Variants in UNC13C observed in about 807,000 individuals in gnomAD.
UNC13C encodes unc-13 homolog C.
UNC13C carries 174 observed loss-of-function variants against 245.4 expected under a neutral mutation model. The ratio of observed to expected loss-of-function variants is 0.71; its 90% confidence interval spans 0.63 to 0.80. The LOEUF is 0.80. Among genes scored for constraint, UNC13C ranks in the 30% least tolerant of loss-of-function variants. UNC13C has a pLI of 0.00. For missense variants in UNC13C, 2,829 were observed against 2,602.9 expected (o/e 1.09, Z -1.89); for synonymous variants, 992 against 895.1 (o/e 1.11, Z -1.93).
chr15:54,093,194 A>G (rs1899662357), intron 2 of UNC13C, among the ~76,000 whole-genome samples: 1 of 14,566 alleles, frequency 6.9e-5, no homozygotes, highest in African/African-American at 1.1e-4. Flanking sequence ...GTAAATTACA[A>G]AAAAAAAAAA....
At chr15:54,525,412 C>CAAAAA in intron 24 of UNC13C, 137 bp from the exon 25 acceptor site, 1 of 394,066 alleles carries the variant, frequency 2.5e-6, no homozygotes. Flanking sequence ...TTTCAAAGAC[C>CAAAAA]AAAAAAAAAA....
At chr15:54,180,197 T>A (rs79407180) in intron 4 of UNC13C, among the ~76,000 whole-genome samples, 2,013 of 152,126 alleles carry the variant, frequency 0.013, 54 homozygotes, top group African/African-American at 0.045. Flanking sequence ...TATTGTTACA[T>A]CTTTATGTCC....
At chr15:54,535,825 T>G (rs889699024) in intron 26 of UNC13C, among the ~76,000 whole-genome samples, 1 of 152,104 alleles carries the variant, frequency 6.6e-6, no homozygotes, top group African/African-American at 2.4e-5. Flanking sequence ...TACCAGAATC[T>G]CTGGGACATA....
chr15:54,458,703 T>TTTTTTG (rs56086043), intron 19 of UNC13C, among the ~76,000 whole-genome samples: 1 of 145,048 alleles, frequency 6.9e-6, no homozygotes, highest in Non-Finnish European at 1.5e-5. Context: ...TTTTTTTTTT[T>TTTTTTG]AAGGGAATAG....
the UNC13C span, among the ~76,000 whole-genome samples, chr15:53,858,365 A>G: frequency 1.3e-5 from 2 of 151,276 alleles, no homozygotes; most frequent in Non-Finnish European, 2.9e-5. Flanking sequence ...AACAACTTAC[A>G]GTTGTGTATT....
At chr15:54,025,084 A>T (rs1896053998) in intron 2 of UNC13C, among the ~76,000 whole-genome samples, 1 of 152,220 alleles carries the variant, frequency 6.6e-6, no homozygotes, top group South Asian at 2.1e-4. Flanking sequence ...AATAAGAAGA[A>T]ATGATCCATA....
intron 8 of UNC13C, among the ~76,000 whole-genome samples, chr15:54,260,250 A>G (rs1413059605): frequency 6.6e-6 from 1 of 152,144 alleles, no homozygotes; most frequent in East Asian, 1.9e-4. Context: ...AGCTGTTAGA[A>G]ATATTTACAC....
At chr15:54,374,921 A>G (rs2039572746) in intron 17 of UNC13C, among the ~76,000 whole-genome samples, 1 of 152,268 alleles carries the variant, frequency 6.6e-6, no homozygotes, top group Non-Finnish European at 1.5e-5. Context: ...GATAGAGCTG[A>G]TCATTTATTT....
At chr15:54,548,177 T>C (rs972642159) in intron 27 of UNC13C, among the ~76,000 whole-genome samples, 5 of 151,468 alleles carry the variant, frequency 3.3e-5, no homozygotes, top group African/African-American at 4.8e-5. Context: ...TTTTGAACTC[T>C]TGTTTTGTTG....
At chr15:53,946,414 C>T in the UNC13C span, among the ~76,000 whole-genome samples, 125 of 150,466 alleles carry the variant, frequency 8.3e-4, no homozygotes, top group African/African-American at 3.0e-3. Flanking sequence ...GAGGCATATT[C>T]CTCCAATACC....
chr15:54,078,705 C>T (rs1898769827), intron 2 of UNC13C, among the ~76,000 whole-genome samples: 1 of 151,700 alleles, frequency 6.6e-6, no homozygotes, highest in South Asian at 2.1e-4. Flanking sequence ...TTAAGTTTCT[C>T]ATAAATTCTG....
chr15:54,443,292 A>G (rs1176379272), intron 19 of UNC13C, among the ~76,000 whole-genome samples: 3 of 151,628 alleles, frequency 2.0e-5, no homozygotes, highest in Non-Finnish European at 4.4e-5. Flanking sequence ...GTTTATTTGG[A>G]TCTTTTTCTT....
chr15:54,426,781 A>G (rs2040768598), intron 19 of UNC13C, among the ~76,000 whole-genome samples: 1 of 151,908 alleles, frequency 6.6e-6, no homozygotes, highest in South Asian at 2.1e-4. Context: ...AACACTGAGC[A>G]ATTGTTTTGT....
chr15:54,475,348 G>T (rs200547008), intron 19 of UNC13C, among the ~76,000 whole-genome samples: 6,973 of 150,260 alleles, frequency 0.046, 227 homozygotes, highest in East Asian at 0.1. Context: ...GGGTACATGT[G>T]CACAATGTGC....
chr15:54,027,790 T>C (rs1482500528), intron 2 of UNC13C, among the ~76,000 whole-genome samples: 1 of 151,856 alleles, frequency 6.6e-6, no homozygotes, highest in African/African-American at 2.4e-5. Flanking sequence ...ATTTCCTTTT[T>C]TTTTTTTTTT....
the UNC13C span, among the ~76,000 whole-genome samples, chr15:53,925,919 C>T: frequency 3.3e-5 from 5 of 152,164 alleles, no homozygotes; most frequent in African/African-American, 9.7e-5. Context: ...GCAGACAAGG[C>T]TTCCTTATCT....
chr15:54,025,203 C>T (rs768910324), intron 2 of UNC13C, among the ~76,000 whole-genome samples: 7 of 152,206 alleles, frequency 4.6e-5, no homozygotes, highest in Non-Finnish European at 8.8e-5. Flanking sequence ...ACATATCCTT[C>T]ATTTTCTCCC....
At chr15:54,265,244 G>A (rs117235401) in intron 9 of UNC13C, 111 bp from the exon 10 acceptor site, 3 of 741,432 alleles carry the variant, frequency 4.0e-6, no homozygotes, top group Non-Finnish European at 5.9e-6. Flanking sequence ...AAGCAATGGG[G>A]ATGCATCTAT....
At chr15:54,352,452 G>A (rs955517943) in intron 17 of UNC13C, among the ~76,000 whole-genome samples, 1 of 150,946 alleles carries the variant, frequency 6.6e-6, no homozygotes. Context: ...GAATAAAATG[G>A]TGTTGCATTA....
Sources: gnomAD v4.1 joint callset for allele counts (sites outside exome capture counted in the v4.1 genomes callset) on GRCh38, gnomAD v4.1.1 for gene constraint, MANE v1.5 for transcripts, NCBI Gene and HGNC (gene_info 2026-07-23, HGNC 2026-07-21) for gene names.